Variants in ANKRD11 observed in about 807,000 individuals in gnomAD.
ANKRD11 encodes the protein ankyrin repeat domain 11.
ANKRD11 carries 17 observed loss-of-function variants against 195.7 expected under a neutral mutation model. That is an observed-to-expected ratio of 0.09 (90% CI 0.06 to 0.13). The LOEUF (loss-of-function observed/expected upper bound fraction) is 0.13, where lower values mean the gene tolerates loss of function less well. Among genes scored for constraint, ANKRD11 ranks in the 10% least tolerant of loss-of-function variants. The pLI is 1.00. For synonymous variants in ANKRD11, 1,953 were observed against 1,528.1 expected (o/e 1.28, Z -6.49); for missense variants, 3,735 against 3,566.1 (o/e 1.05, Z -1.21).
chr16:89,393,490 CT>C (rs5818715), intron 2 of ANKRD11, among the ~76,000 whole-genome samples: 58,340 of 116,830 alleles, frequency 0.5, 12,367 homozygotes, highest in Middle Eastern at 0.61. Context: ...TATCCAGCTG[CT>C]TTTTTTTTTT....
In ANKRD11 at chr16:89,274,911, C is replaced by T; in HGVS notation, c.7616G>A (p.Cys2539Tyr). The T allele has an allele frequency of 6.2e-7, 1 of 1,613,596 alleles. No homozygotes were observed. The highest frequency in any genetic ancestry group is 8.5e-7 in the Non-Finnish European group (1 of 1,180,016). The change falls in exon 11 of 13, where the codon TGC becomes TAC. Residue 2539 changes from cysteine (C) to tyrosine (Y), a missense_variant. Cys to Tyr is a radical substitution (Grantham distance 194). Transcript: ENST00000301030. ...SCEQEILRVHCRAARTIANQA... is the reference protein window; with the variant it reads ...SCEQEILRVHYRAARTIANQA... ...GTTGGCGATGGTCCTGGCCGCCCGGCAGTGAACCCGCAGAATCTCCTGCTC... is the reference window on the plus strand; with the variant it reads ...GTTGGCGATGGTCCTGGCCGCCCGGTAGTGAACCCGCAGAATCTCCTGCTC...
At chr16:89,399,737 T>C (rs1457484241) in intron 2 of ANKRD11, among the ~76,000 whole-genome samples, 2 of 152,262 alleles carry the variant, frequency 1.3e-5, no homozygotes, top group African/African-American at 4.8e-5. Flanking sequence ...AGCCCAGGGG[T>C]GCGGGGGAAC....
At chr16:89,335,348 T>C (rs973266498) in intron 2 of ANKRD11, among the ~76,000 whole-genome samples, 1 of 152,092 alleles carries the variant, frequency 6.6e-6, no homozygotes, top group Admixed American at 6.5e-5. Context: ...CAGGAACAAA[T>C]CCACACCGAG....
At chr16:89,331,190 G>A (rs1008581216) in intron 2 of ANKRD11, among the ~76,000 whole-genome samples, 1 of 152,228 alleles carries the variant, frequency 6.6e-6, no homozygotes, top group Non-Finnish European at 1.5e-5. Flanking sequence ...CTGACCTCAG[G>A]TGATCTGCCT....
At chr16:89,333,704 G>C (rs2038186657) in intron 2 of ANKRD11, among the ~76,000 whole-genome samples, 1 of 152,172 alleles carries the variant, frequency 6.6e-6, no homozygotes, top group Non-Finnish European at 1.5e-5. Context: ...CGTCTGGATG[G>C]ACCTTGGTTG....
At chr16:89,432,277 A>ACC (rs59002981) in intron 1 of ANKRD11, among the ~76,000 whole-genome samples, 19 of 121,138 alleles carry the variant, frequency 1.6e-4, no homozygotes, top group South Asian at 8.0e-4. Flanking sequence ...ACACACACAC[A>ACC]CCCCTGGAAA....
At chr16:89,456,704 G>C (rs1260002310) in intron 1 of ANKRD11, among the ~76,000 whole-genome samples, 3 of 152,142 alleles carry the variant, frequency 2.0e-5, no homozygotes, top group African/African-American at 7.2e-5. Flanking sequence ...TTATGTGAAA[G>C]AAGCCGGACA....
At chr16:89,326,741 G>GA (rs1372456664) in intron 2 of ANKRD11, among the ~76,000 whole-genome samples, 1 of 152,014 alleles carries the variant, frequency 6.6e-6, no homozygotes, top group Non-Finnish European at 1.5e-5. Context: ...GACCCTGTGT[G>GA]AAAAAAACCC....
At chr16:89,438,781 G>A (rs540183868) in intron 1 of ANKRD11, among the ~76,000 whole-genome samples, 2 of 152,192 alleles carry the variant, frequency 1.3e-5, no homozygotes, top group Admixed American at 6.5e-5. Flanking sequence ...CGAGGTGGGA[G>A]GACTGCTTGA....
chr16:89,307,625 C>T (rs1446697995), intron 3 of ANKRD11, among the ~76,000 whole-genome samples: 2 of 152,250 alleles, frequency 1.3e-5, no homozygotes, highest in African/African-American at 4.8e-5. Flanking sequence ...CCCAGCAGTG[C>T]AGGTCCTCCC....
chr16:89,322,066 G>A (rs1451134641), intron 2 of ANKRD11, among the ~76,000 whole-genome samples: 1 of 152,200 alleles, frequency 6.6e-6, no homozygotes, highest in East Asian at 1.9e-4. Flanking sequence ...GCTTTATGTG[G>A]TCAGGAAGGC....
intron 1 of ANKRD11, among the ~76,000 whole-genome samples, chr16:89,445,881 A>G (rs1177647144): frequency 3.3e-5 from 5 of 152,084 alleles, no homozygotes; most frequent in African/African-American, 4.8e-5. Context: ...AGGCAGGAGA[A>G]TCACTTGAAC....
chr16:89,432,484 G>A (rs1830645993), intron 1 of ANKRD11, among the ~76,000 whole-genome samples: 1 of 152,046 alleles, frequency 6.6e-6, no homozygotes, highest in African/African-American at 2.4e-5. Flanking sequence ...ACACCTTCCA[G>A]TTTAGGAGGG....
chr16:89,480,023 A>ATC (rs1214900611), intron 1 of ANKRD11, among the ~76,000 whole-genome samples: 4 of 151,494 alleles, frequency 2.6e-5, no homozygotes, highest in African/African-American at 9.7e-5. Context: ...AGGCAGGAGA[A>ATC]ATGCTTGAAC....
Position 89,365,108 on chromosome 16 carries a change from C to A in ANKRD11, c.-59-48030G>T, listed in dbSNP as rs146212417. On this transcript the variant is annotated intron_variant, in intron 2 of 12. Transcript: ENST00000301030. Reference sequence around the variant, plus strand: ...ATGGCCTCAAAAGTGACAAGACTCTCCTTCCCTTATGACAGACCATGTTTG... The same window carrying A: ...ATGGCCTCAAAAGTGACAAGACTCTACTTCCCTTATGACAGACCATGTTTG... 6.9e-3 allele frequency among the ~76,000 whole-genome samples: 1,057 copies of A among 152,322 alleles called. 5 individuals are homozygous for A. Among genetic ancestry groups the A allele is most frequent in the Middle Eastern group, 0.027 (8 of 294 alleles).
intron 1 of ANKRD11, among the ~76,000 whole-genome samples, chr16:89,419,208 T>C (rs1277078598): frequency 1.3e-5 from 2 of 151,912 alleles, no homozygotes; most frequent in African/African-American, 4.8e-5. Context: ...TCCCAGCACT[T>C]TGGGAGGCCG....
At chr16:89,386,743 G>C (rs772772869) in intron 2 of ANKRD11, among the ~76,000 whole-genome samples, 2 of 152,162 alleles carry the variant, frequency 1.3e-5, no homozygotes, top group Non-Finnish European at 2.9e-5. Context: ...TTGACTGTTG[G>C]ATTTCATCAA....
chr16:89,301,410 G>A, intron 4 of ANKRD11: 1 of 396,924 alleles, frequency 2.5e-6, no homozygotes. Flanking sequence ...CCACCCTTGA[G>A]GTGGTAGAGG....
chr16:89,425,552 C>A (rs1269930728), intron 1 of ANKRD11, among the ~76,000 whole-genome samples: 1 of 152,204 alleles, frequency 6.6e-6, no homozygotes, highest in East Asian at 1.9e-4. Context: ...CTGGTGCAGA[C>A]AGGTCACCTA....
Sources: gnomAD v4.1 joint callset for allele counts (sites outside exome capture counted in the v4.1 genomes callset) on GRCh38, gnomAD v4.1.1 for gene constraint, MANE v1.5 for transcripts, NCBI Gene and HGNC (gene_info 2026-07-23, HGNC 2026-07-21) for gene names.